PIK3C2A: variants seen among roughly 807,000 people sequenced by gnomAD.
PIK3C2A encodes phosphatidylinositol 4-phosphate 3-kinase C2 domain-containing subunit alpha.
PIK3C2A carries 97 observed loss-of-function variants against 204.5 expected under a neutral mutation model. The observed-to-expected ratio is 0.47, with a 90% CI of 0.40 to 0.56. PIK3C2A has a LOEUF of 0.56. PIK3C2A is among the 20% of genes least tolerant of loss of function. The pLI, the probability that PIK3C2A is intolerant of heterozygous loss-of-function variation, is 0.00. For missense variants in PIK3C2A, 1,735 were observed against 1,969.2 expected, an observed-to-expected ratio of 0.88 and a Z score of 2.25; for synonymous variants, 653 against 664.4, an observed-to-expected ratio of 0.98 and a Z score of 0.26.
intron 6 of PIK3C2A, among the ~76,000 whole-genome samples, chr11:17,147,062 T>A (rs979130103): frequency 6.6e-6 from 1 of 152,044 alleles, no homozygotes; most frequent in African/African-American, 2.4e-5. Flanking sequence ...CTTTTTTTTT[T>A]AAACAGCATC....
At position 17,193,911 on chromosome 11, in the gene PIK3C2A, A is replaced by AGAAAAGAAAC. The variant is rs1446769085; in HGVS notation, c.-66+13927_-66+13936dup. The stretch of plus-strand genomic sequence containing the variant: ...AGAAAAGAAAAGAAAAGAAAAGAAA[A>AGAAAAGAAAC]GAAAAGAAACCCCGATCACAAAGAT... On this transcript the variant is annotated intron_variant, in intron 1 of 32. Transcript: ENST00000691414. The AGAAAAGAAAC allele has an allele frequency of 4.2e-5, 11 of 264,802 alleles. 1 individual carries two copies. The highest frequency in any genetic ancestry group is 6.8e-5 in the Non-Finnish European group (10 of 147,232). The allele number at this position is 264,802 out of a possible 1,614,324, so 16.4% of individuals were successfully genotyped here. A position where few individuals can be genotyped will look rare whatever the true frequency, so the allele number is the denominator to read the frequency against.
chr11:17,124,781 CTT>C (rs1156805952), intron 13 of PIK3C2A, among the ~76,000 whole-genome samples: 2 of 152,160 alleles, frequency 1.3e-5, no homozygotes, highest in African/African-American at 4.8e-5. Flanking sequence ...TTTGTTAACT[CTT>C]GTTTGGTCTC....
intron 2 of PIK3C2A, among the ~76,000 whole-genome samples, chr11:17,158,370 T>A (rs998603419): frequency 2.0e-4 from 29 of 146,588 alleles, no homozygotes; most frequent in African/African-American, 7.1e-4. Flanking sequence ...ATAATAATAA[T>A]AAATATATAT....
rs113579637 is a variant in PIK3C2A at position 17,146,030 on chromosome 11, T to C, written c.1561-88A>G. 1.2e-5 allele frequency: 11 copies of C among 884,674 alleles called. No homozygotes were observed. The African/African-American group carries it at 1.5e-4, about 12-fold the overall frequency. The allele number at this position is 884,674 out of a possible 1,614,324, so 54.8% of individuals were successfully genotyped here. A position where few individuals can be genotyped will look rare whatever the true frequency, so the allele number is the denominator to read the frequency against. On this transcript the variant is annotated intron_variant, in intron 6 of 32. Transcript: ENST00000691414. ...AAATATAGTTAAGTGTATGATAAAATCTTGCAACTAAAGTGTTTTTCTGAG... is the reference window on the plus strand; with the variant it reads ...AAATATAGTTAAGTGTATGATAAAACCTTGCAACTAAAGTGTTTTTCTGAG...
intron 1 of PIK3C2A, among the ~76,000 whole-genome samples, chr11:17,207,154 ATAAG>A (rs989026134): frequency 5.3e-5 from 8 of 152,224 alleles, no homozygotes; most frequent in East Asian, 1.9e-4. Flanking sequence ...AGTGAGGAAA[ATAAG>A]TATGTGCCTT....
intron 3 of PIK3C2A, among the ~76,000 whole-genome samples, chr11:17,152,644 AT>A (rs2137440275): frequency 6.6e-6 from 1 of 152,234 alleles, no homozygotes; most frequent in South Asian, 2.1e-4. Context: ...TTTCTCTAAA[AT>A]TTCTACTTCC....
chr11:17,133,755 T>G (rs1349628886), intron 11 of PIK3C2A, among the ~76,000 whole-genome samples: 1 of 151,890 alleles, frequency 6.6e-6, no homozygotes, highest in East Asian at 1.9e-4. Context: ...AGGTGAAATC[T>G]CGTCTCTACT....
chr11:17,149,329 C>T (rs146925563), intron 4 of PIK3C2A, among the ~76,000 whole-genome samples: 311 of 151,860 alleles, frequency 2.0e-3, no homozygotes, highest in African/African-American at 7.2e-3. Context: ...ACTATGTACC[C>T]ATACAAGTTA....
chr11:17,130,968 C>T (rs1245632226), intron 12 of PIK3C2A, among the ~76,000 whole-genome samples: 1 of 151,938 alleles, frequency 6.6e-6, no homozygotes, highest in East Asian at 1.9e-4. Context: ...GGGCGGATCA[C>T]CTGAGGTCAG....
In PIK3C2A at chr11:17,136,614, T is replaced by A. The variant is rs1196003830; in HGVS notation, c.1716A>T (p.Arg572=). The change falls in exon 9 of 33, where the codon CGA becomes CGT. Residue 572 remains arginine, a synonymous_variant. Transcript: ENST00000691414. ...ELALQIENQH[R]AVDQVIKAVR... ...CAGCTTTAATTACTTGATCTACTGCTCGGTGTTGGTTCTTTAAAAATAAAA... is the reference window on the plus strand; with the variant it reads ...CAGCTTTAATTACTTGATCTACTGCACGGTGTTGGTTCTTTAAAAATAAAA... 3 of 1,570,084 alleles carry A rather than the reference T, an allele frequency of 1.9e-6. No individual in the cohort carries two copies. The highest frequency in any genetic ancestry group is 2.6e-6 in the Non-Finnish European group (3 of 1,152,734).
chr11:17,193,449 G>A (rs1463969624), intron 1 of PIK3C2A: 9 of 365,212 alleles, frequency 2.5e-5, no homozygotes, highest in Non-Finnish European at 3.7e-5. Context: ...TATAGCTTCC[G>A]GTTCTAGGTG....
At chr11:17,141,495 T>G (rs1850063845) in intron 8 of PIK3C2A, 1 of 152,142 alleles carries the variant, frequency 6.6e-6, no homozygotes, top group Non-Finnish European at 1.5e-5. Flanking sequence ...TTATAGACAG[T>G]TATAAAAAAA....
intron 27 of PIK3C2A, 27 bp from the exon 28 acceptor site, chr11:17,094,412 A>G (rs751870970): frequency 6.3e-7 from 1 of 1,584,298 alleles, no homozygotes; most frequent in South Asian, 1.1e-5. Flanking sequence ...CCACAAACAC[A>G]TAAAATTTAT....
At chr11:17,096,159 C>T (rs1848450225) in intron 27 of PIK3C2A, among the ~76,000 whole-genome samples, 1 of 151,896 alleles carries the variant, frequency 6.6e-6, no homozygotes, top group Admixed American at 6.6e-5. Context: ...CTGCCTCAGC[C>T]TCCTGAGTAG....
intron 2 of PIK3C2A, among the ~76,000 whole-genome samples, chr11:17,166,570 T>G (rs1172978841): frequency 6.6e-6 from 1 of 152,230 alleles, no homozygotes; most frequent in Non-Finnish European, 1.5e-5. Context: ...ACATCTGTAT[T>G]AACTTCAAGA....
intron 27 of PIK3C2A, among the ~76,000 whole-genome samples, chr11:17,095,251 G>A (rs910154067): frequency 3.9e-5 from 6 of 151,942 alleles, no homozygotes; most frequent in Admixed American, 6.6e-5. Context: ...GGGTAATAGA[G>A]CGAGACCGTT....
In PIK3C2A at chr11:17,101,597, CT is replaced by C. The variant is rs984303086; in HGVS notation, c.3852-164del. ...TCCATAATTTTAAAATAACATTTTTCTTTTTTTTTCTTTTTTTTTTTTTTGA... is the reference window on the plus strand; with the variant it reads ...TCCATAATTTTAAAATAACATTTTTCTTTTTTTTCTTTTTTTTTTTTTTGA... On this transcript the variant is annotated intron_variant, in intron 24 of 32. Coordinates refer to ENST00000691414, the MANE Select transcript of PIK3C2A (RefSeq NM_002645.4). Among the ~76,000 whole-genome samples the C allele has an allele frequency of 2.9e-4, 43 of 149,258 alleles. 1 individual carries two copies. Among genetic ancestry groups the C allele is most frequent in the African/African-American group, 8.1e-4 (33 of 40,642 alleles).
At position 17,148,784 on chromosome 11, in the gene PIK3C2A, C is replaced by T. The variant is rs770085365; in HGVS notation, c.1331G>A (p.Ser444Asn). The change falls in exon 5 of 33, where the codon AGT (serine) becomes AAT (asparagine). Residue 444 changes from serine to asparagine, a missense_variant. Coordinates refer to ENST00000691414, the MANE Select transcript of PIK3C2A (RefSeq NM_002645.4). ...QLPVTFTCDV[S>N]STVEIIIMQA... The stretch of plus-strand genomic sequence containing the variant: ...CATTATAATGATTTCTACAGTAGAA[C>T]TCACTGTAAAAGAGTTAGTCATTAT... 1.2e-6 allele frequency: 2 copies of T among 1,607,506 alleles called. No individual in the cohort carries two copies. Among genetic ancestry groups the T allele is most frequent in the East Asian group, 4.5e-5 (2 of 44,754 alleles).
chr11:17,146,226 T>A (rs2137424329), intron 6 of PIK3C2A, among the ~76,000 whole-genome samples: 1 of 152,332 alleles, frequency 6.6e-6, no homozygotes, highest in Admixed American at 6.5e-5. Context: ...TTCTGTTCTA[T>A]ATATAGAGAA....
Sources: gnomAD v4.1 joint callset for allele counts (sites outside exome capture counted in the v4.1 genomes callset) on GRCh38, gnomAD v4.1.1 for gene constraint, MANE v1.5 for transcripts, NCBI Gene and HGNC (gene_info 2026-07-23, HGNC 2026-07-21) for gene names.